Variants in RBFOX1 observed in about 807,000 individuals in gnomAD.
RBFOX1 encodes the protein RNA binding fox-1 homolog 1.
A neutral mutation model predicts 57.7 loss-of-function variants in RBFOX1; 8 were observed. That is an observed-to-expected ratio of 0.14 (90% CI 0.08 to 0.25). The LOEUF (loss-of-function observed/expected upper bound fraction) is 0.25. RBFOX1 is among the 10% of genes least tolerant of loss of function. The pLI, the probability that RBFOX1 is intolerant of heterozygous loss-of-function variation, is 1.00. For missense variants in RBFOX1, 611 were observed against 548.5 expected (o/e 1.11, Z -1.14); for synonymous variants, 326 against 222.4 (o/e 1.47, Z -4.15).
intron 3 of RBFOX1, among the ~76,000 whole-genome samples, chr16:6,665,984 C>A (rs1285417803): frequency 6.6e-6 from 1 of 152,016 alleles, no homozygotes; most frequent in Non-Finnish European, 1.5e-5. Flanking sequence ...GGTATGGTTT[C>A]CCCCACCCTG....
chr16:5,607,747 C>G (rs1398226448), intron 3 of RBFOX1, among the ~76,000 whole-genome samples: 7 of 152,194 alleles, frequency 4.6e-5, no homozygotes, highest in Non-Finnish European at 5.9e-5. Context: ...CTTTCCAATT[C>G]CACTGGGCTC....
At chr16:5,758,440 G>A (rs1396572213) in intron 3 of RBFOX1, among the ~76,000 whole-genome samples, 2 of 152,166 alleles carry the variant, frequency 1.3e-5, no homozygotes, top group African/African-American at 4.8e-5. Flanking sequence ...AAGAAGAGAG[G>A]TTGGCCTCAG....
At chr16:6,781,762 T>G (rs1034501848) in intron 3 of RBFOX1, among the ~76,000 whole-genome samples, 3 of 152,124 alleles carry the variant, frequency 2.0e-5, no homozygotes, top group Non-Finnish European at 4.4e-5. Flanking sequence ...TGGTATCTGT[T>G]TTAATATTTT....
At chr16:5,936,722 T>C (rs897217780) in intron 4 of RBFOX1, among the ~76,000 whole-genome samples, 1 of 152,198 alleles carries the variant, frequency 6.6e-6, no homozygotes, top group African/African-American at 2.4e-5. Context: ...TTGTACTGTG[T>C]ATAAATGGGG....
intron 4 of RBFOX1, among the ~76,000 whole-genome samples, chr16:7,375,965 C>A (rs768805711): frequency 6.6e-6 from 1 of 152,174 alleles, no homozygotes. Context: ...GAACTAGAGC[C>A]ATTGGTAGGC....
chr16:7,246,316 G>A (rs1396933997), intron 4 of RBFOX1, among the ~76,000 whole-genome samples: 1 of 152,094 alleles, frequency 6.6e-6, no homozygotes, highest in East Asian at 1.9e-4. Flanking sequence ...CACCCTCCCT[G>A]GATTCCCTGT....
At chr16:7,363,201 C>A (rs934137086) in intron 4 of RBFOX1, among the ~76,000 whole-genome samples, 1 of 152,148 alleles carries the variant, frequency 6.6e-6, no homozygotes, top group East Asian at 1.9e-4. Flanking sequence ...TTGCCGTCAG[C>A]CTCCATCCTG....
intron 4 of RBFOX1, among the ~76,000 whole-genome samples, chr16:7,207,939 G>A (rs2090332126): frequency 6.6e-6 from 1 of 152,150 alleles, no homozygotes; most frequent in Non-Finnish European, 1.5e-5. Flanking sequence ...CTCAATCTTA[G>A]TCCTGGGGAA....
chr16:6,576,375 C>T (rs75820020), intron 2 of RBFOX1, among the ~76,000 whole-genome samples: 1,530 of 152,250 alleles, frequency 0.01, 23 homozygotes, highest in African/African-American at 0.033. Flanking sequence ...AGAAAACCTA[C>T]GCAGACATGG....
intron 2 of RBFOX1, among the ~76,000 whole-genome samples, chr16:5,584,432 AT>A (rs1304454120): frequency 6.6e-6 from 1 of 152,130 alleles, no homozygotes; most frequent in African/African-American, 2.4e-5. Flanking sequence ...AGACTTCTTG[AT>A]GTTCCGTCTT....
chr16:6,533,820 C>A (rs1263462682), intron 2 of RBFOX1, among the ~76,000 whole-genome samples: 3 of 152,060 alleles, frequency 2.0e-5, no homozygotes, highest in African/African-American at 7.2e-5. Context: ...TGAGCATGGT[C>A]AACATTTTCC....
chr16:7,658,603 T>TAA (rs1277493161), intron 12 of RBFOX1, among the ~76,000 whole-genome samples: 2 of 152,196 alleles, frequency 1.3e-5, no homozygotes, highest in Non-Finnish European at 2.9e-5. Context: ...GTAGACTTAG[T>TAA]ATCTTTGATG....
chr16:5,800,304 G>A (rs950929180), intron 3 of RBFOX1, among the ~76,000 whole-genome samples: 2 of 152,126 alleles, frequency 1.3e-5, no homozygotes, highest in African/African-American at 2.4e-5. Context: ...AGTCCATTTC[G>A]TTACTCATGC....
intron 11 of RBFOX1, among the ~76,000 whole-genome samples, chr16:7,645,531 T>C (rs1236281435): frequency 1.3e-5 from 2 of 152,198 alleles, no homozygotes; most frequent in Non-Finnish European, 2.9e-5. Context: ...TGCAGTTCAA[T>C]GGAATATGAA....
chr16:6,175,387 G>T (rs1033220682), intron 1 of RBFOX1, among the ~76,000 whole-genome samples: 1 of 152,056 alleles, frequency 6.6e-6, no homozygotes, highest in South Asian at 2.1e-4. Flanking sequence ...TTTATGATGC[G>T]CATTAGTATG....
At chr16:6,431,900 T>TTGCTTGCTTGCTTGCTTGCTTG (rs1567258053) in intron 2 of RBFOX1, among the ~76,000 whole-genome samples, 1,142 of 70,948 alleles carry the variant, frequency 0.016, 8 homozygotes, top group Non-Finnish European at 0.024. Context: ...TTGCTTGCTT[T>TTGCTTGCTTGCTTGCTTGCTTG]CTTTCTTTCT....
At chr16:6,649,146 C>G (rs1388170455) in intron 2 of RBFOX1, among the ~76,000 whole-genome samples, 1 of 152,176 alleles carries the variant, frequency 6.6e-6, no homozygotes, top group Non-Finnish European at 1.5e-5. Context: ...CCCTTGGTAA[C>G]CACCATTGTA....
chr16:7,137,403 G>T (rs147694326), intron 4 of RBFOX1, among the ~76,000 whole-genome samples: 4 of 152,234 alleles, frequency 2.6e-5, no homozygotes, highest in Admixed American at 6.5e-5. Context: ...TACTGTTCTC[G>T]TGGTAGCGAG....
intron 2 of RBFOX1, among the ~76,000 whole-genome samples, chr16:6,535,956 T>C (rs535860549): frequency 2.0e-5 from 3 of 152,350 alleles, no homozygotes; most frequent in Non-Finnish European, 4.4e-5. Context: ...CCCACTAAGA[T>C]GCCTCTTTAG....
Sources: gnomAD v4.1 joint callset for allele counts (sites outside exome capture counted in the v4.1 genomes callset) on GRCh38, gnomAD v4.1.1 for gene constraint, MANE v1.5 for transcripts, NCBI Gene and HGNC (gene_info 2026-07-23, HGNC 2026-07-21) for gene names.